The following AACS variants were observed in gnomAD, a reference collection of about 807,000 sequenced individuals.
AACS encodes acetoacetyl-CoA synthetase, also known as acetoacetate-CoA ligase.
Under a neutral mutation model 83.1 loss-of-function variants are expected in AACS, and 69 were observed. That is an observed-to-expected ratio of 0.83 (90% CI 0.68 to 1.01). The LOEUF is 1.01. Ranked by LOEUF, AACS falls within the 50% of genes least tolerant of loss-of-function variation. The pLI, the probability that AACS is intolerant of heterozygous loss-of-function variation, is 0.00. For synonymous variants in AACS, 333 were observed against 343.4 expected, an observed-to-expected ratio of 0.97 and a Z score of 0.33; for missense variants, 866 against 882.2, an observed-to-expected ratio of 0.98 and a Z score of 0.23.
intron 8 of AACS, among the ~76,000 whole-genome samples, chr12:125,114,023 C>T (rs901683813): frequency 2.6e-5 from 4 of 151,870 alleles, no homozygotes; most frequent in Non-Finnish European, 5.9e-5. Flanking sequence ...TGCTCTGTTG[C>T]CAGTGCCCCA....
In AACS at chr12:125,080,470, G is replaced by GTCTC. The variant is rs112615927; in HGVS notation, c.358+3875_358+3878dup. Among the ~76,000 whole-genome samples, 190 of 149,356 alleles carry GTCTC rather than the reference G, an allele frequency of 1.3e-3. 3 individuals carry two copies. In the East Asian group the frequency reaches 0.018, roughly 14 times the overall value. On this transcript the variant is annotated intron_variant, in intron 3 of 17. Transcript: ENST00000316519. Reference sequence around the variant, plus strand: ...GGGTGGAGACTGAACTGGGTGGGGTGTCTCTCTCTCTCTCTCTCTGTTACA... The same window carrying GTCTC: ...GGGTGGAGACTGAACTGGGTGGGGTGTCTCTCTCTCTCTCTCTCTCTCTGTTACA...
intron 17 of AACS, among the ~76,000 whole-genome samples, chr12:125,137,935 C>T (rs1442695042): frequency 6.6e-6 from 1 of 152,200 alleles, no homozygotes; most frequent in Non-Finnish European, 1.5e-5. Flanking sequence ...ACAGGATTTA[C>T]CAGGAGAGTC....
rs112666747 is a variant in AACS, at chr12:125,107,379, G to T, written c.915+111G>T. ...GTTGTCAAACTGCACCCCATCCCCG[G>T]AGAGTCCAACGTGCAGCTTCTCTCC... On this transcript the variant is annotated intron_variant, in intron 8 of 17. Transcript: ENST00000316519. The T allele has an allele frequency of 1.1e-5, 15 of 1,423,640 alleles. No homozygotes were observed. The African/African-American group carries it at 1.5e-4, about 15-fold the overall frequency. 88.2% of individuals were successfully genotyped at this position (1,423,640 alleles called of 1,614,324 possible).
intron 1 of AACS, among the ~76,000 whole-genome samples, chr12:125,069,644 C>T (rs1456805609): frequency 2.6e-5 from 4 of 152,222 alleles, no homozygotes; most frequent in Non-Finnish European, 5.9e-5. Context: ...TGTACTAGCC[C>T]TCTGTAATTA....
intron 1 of AACS, among the ~76,000 whole-genome samples, chr12:125,070,648 G>A (rs1955836451): frequency 6.6e-6 from 1 of 152,218 alleles, no homozygotes; most frequent in Non-Finnish European, 1.5e-5. Context: ...GATAATAATA[G>A]TTACTATTCA....
chr12:125,079,992 G>A (rs921344961), intron 3 of AACS, among the ~76,000 whole-genome samples: 1 of 152,200 alleles, frequency 6.6e-6, no homozygotes, highest in African/African-American at 2.4e-5. Context: ...GCTCAGCACA[G>A]TGTTACCAAG....
intron 4 of AACS, among the ~76,000 whole-genome samples, chr12:125,090,512 C>T (rs921462837): frequency 6.7e-6 from 1 of 149,218 alleles, no homozygotes; most frequent in African/African-American, 2.5e-5. Flanking sequence ...CATCTTCCAT[C>T]TCTCCATCCA....
At chr12:125,137,209 T>A (rs1957413845) in intron 17 of AACS, among the ~76,000 whole-genome samples, 1 of 152,248 alleles carries the variant, frequency 6.6e-6, no homozygotes, top group Admixed American at 6.5e-5. Context: ...AGACTGAGTC[T>A]GTCACCCAGG....
chr12:125,105,838 G>A (rs548142302), intron 7 of AACS: 1 of 152,320 alleles, frequency 6.6e-6, no homozygotes, highest in Admixed American at 6.5e-5. Context: ...TGACAGAAAA[G>A]GCTTTTCTCT....
At chr12:125,122,006 A>C (rs1464383620) in intron 10 of AACS, 1 of 152,494 alleles carries the variant, frequency 6.6e-6, no homozygotes, top group Non-Finnish European at 1.5e-5. Flanking sequence ...GAGTGCTGTC[A>C]GAGACCTGGG....
At chr12:125,083,138 T>C (rs556514406) in intron 3 of AACS, among the ~76,000 whole-genome samples, 1 of 152,340 alleles carries the variant, frequency 6.6e-6, no homozygotes, top group African/African-American at 2.4e-5. Flanking sequence ...GCAGTGAGGA[T>C]GCTGGCAGGG....
chr12:125,103,112 G>A (rs1425143992), intron 7 of AACS, 31 bp downstream of exon 7: 7 of 1,584,124 alleles, frequency 4.4e-6, no homozygotes, highest in Admixed American at 1.8e-5. Context: ...CCACAGGTCC[G>A]TGTGGACCCA....
At chr12:125,078,559 G>A (rs1201060349) in intron 3 of AACS, among the ~76,000 whole-genome samples, 1 of 152,162 alleles carries the variant, frequency 6.6e-6, no homozygotes, top group African/African-American at 2.4e-5. Flanking sequence ...AGTGGCTCAC[G>A]CCTGTAATCC....
intron 15 of AACS, 62 bp downstream of exon 15, chr12:125,134,134 G>A (rs1957366937): frequency 6.4e-7 from 1 of 1,563,134 alleles, no homozygotes; most frequent in East Asian, 2.3e-5. Flanking sequence ...CATGGGGGTG[G>A]GAGAGGAGGT....
At chr12:125,106,782 G>A (rs1956842637) in intron 7 of AACS, among the ~76,000 whole-genome samples, 1 of 152,160 alleles carries the variant, frequency 6.6e-6, no homozygotes, top group East Asian at 1.9e-4. Flanking sequence ...AGCCGTGTTG[G>A]TACACACATG....
chr12:125,081,639 C>A (rs995066117), intron 3 of AACS, among the ~76,000 whole-genome samples: 1 of 152,202 alleles, frequency 6.6e-6, no homozygotes, highest in Non-Finnish European at 1.5e-5. Context: ...CCTTCATGCT[C>A]CAGCGAGTAG....
chr12:125,125,939 T>C (rs1957239694), intron 12 of AACS: 1 of 150,952 alleles, frequency 6.6e-6, no homozygotes, highest in African/African-American at 2.4e-5. Context: ...GGGTGTATTA[T>C]ATGTGGATTC....
intron 17 of AACS, among the ~76,000 whole-genome samples, chr12:125,137,778 A>G (rs977900951): frequency 1.3e-5 from 2 of 152,136 alleles, no homozygotes; most frequent in Non-Finnish European, 2.9e-5. Context: ...GTATACAACA[A>G]TTTAGACAGT....
rs1956576236 is a variant in AACS at position 125,095,024 on chromosome 12, T to A, written c.570+3501T>A. 2.4e-5 allele frequency among the ~76,000 whole-genome samples: 3 copies of A among 122,544 alleles called. No individual in the cohort carries two copies. In the South Asian group the frequency reaches 8.6e-4, roughly 35 times the overall value. The allele number at this position is 122,544 out of a possible 152,430, so 80.4% of individuals were successfully genotyped here. On this transcript the variant is annotated intron_variant, in intron 5 of 17. Transcript: ENST00000316519. ...GTGTGTGTGTGTGTGTGTGTGTGTG[T>A]CTGTGTGTGTAAATAGGACAGCCAT...
Sources: allele counts gnomAD v4.1 joint callset (sites outside exome capture counted in the v4.1 genomes callset), GRCh38; gene constraint gnomAD v4.1.1; transcripts MANE v1.5; gene names NCBI Gene and HGNC (gene_info 2026-07-23, HGNC 2026-07-21).